The following PIEZO2 variants were observed in gnomAD, a reference collection of about 807,000 sequenced individuals.
The protein encoded by PIEZO2 is piezo-type mechanosensitive ion channel component 2.
A neutral mutation model predicts 337.3 loss-of-function variants in PIEZO2; 172 were observed. The ratio of observed to expected loss-of-function variants is 0.51; its 90% CI spans 0.45 to 0.58. PIEZO2 has a LOEUF of 0.58. PIEZO2 is among the 20% of genes least tolerant of loss of function. The probability of loss-of-function intolerance (pLI) is 0.00; values close to 1 mark genes in which losing one functional copy is unlikely to be tolerated. For synonymous variants in PIEZO2, 1,251 were observed against 1,228.5 expected (o/e 1.02, Z -0.38); for missense variants, 3,028 against 3,391.3 (o/e 0.89, Z 2.66).
In PIEZO2 at chr18:10,671,478, TA is replaced by T. The variant is rs753508360; in HGVS notation, c.*48del. The stretch of plus-strand genomic sequence containing the variant: ...AGCTCTTATGAGAATATTGTGCTTT[TA>T]AAAAAAATTCAAATGTTAACATTAT... On this transcript the variant is annotated 3_prime_UTR_variant, in exon 56 of 56. Transcript: ENST00000674853. 1.4e-5 allele frequency: 22 copies of T among 1,555,424 alleles called. No individual in the cohort carries two copies. Among genetic ancestry groups the T allele is most frequent in the East Asian group, 1.1e-4 (5 of 44,304 alleles).
In PIEZO2 at chr18:11,148,556, G is replaced by A; in HGVS notation, c.33C>T (p.Phe11=). ...CCAGGCAGATGGGCAGCAGCAGCCT[G>A]AAGATGAGCCCGCACACCACTTCTG... The part of the protein sequence containing the change: MASEVVCGLI[F]RLLLPICLAV... The change falls in exon 1 of 56, where the codon TTC becomes TTT. Residue 11 remains phenylalanine, a synonymous_variant. Transcript: ENST00000674853. This position sits in a 1 kb window ranked among gnomAD's most constrained non-coding sequence, Gnocchi z 5.2. 2.0e-6 allele frequency: 3 copies of A among 1,537,186 alleles called. No homozygotes were observed. Among genetic ancestry groups the A allele is most frequent in the South Asian group, 2.4e-5 (2 of 84,066 alleles).
chr18:10,895,101 C>G lies in PIEZO2; in HGVS notation c.329+16085G>C, dbSNP rs2042858624. On this transcript the variant is annotated intron_variant, in intron 4 of 55. Coordinates refer to ENST00000674853, the MANE Select transcript of PIEZO2 (RefSeq NM_001378183.1). This position sits in a 1 kb window ranked among gnomAD's most constrained non-coding sequence, Gnocchi z 4.8. ...CCAGAGGCAACATGTGTCCTCCAGG[C>G]ACTTAGATGCCACTGGCTTCTAGCT... Among the ~76,000 whole-genome samples, 1 of 152,204 alleles carries G rather than the reference C, an allele frequency of 6.6e-6. No individual in the cohort carries two copies. Among genetic ancestry groups the G allele is most frequent in the South Asian group, 2.1e-4 (1 of 4,832 alleles).
chr18:10,771,926 T>C (rs538310520), intron 20 of PIEZO2, among the ~76,000 whole-genome samples: 3 of 152,334 alleles, frequency 2.0e-5, no homozygotes, highest in South Asian at 4.1e-4. Flanking sequence ...CAGTGCTGTG[T>C]TCAAGTCACT....
At position 10,895,124 on chromosome 18, in the gene PIEZO2, G is replaced by C. The variant is rs547528236; in HGVS notation, c.329+16062C>G. Among the ~76,000 whole-genome samples the C allele has an allele frequency of 2.0e-5, 3 of 152,248 alleles. No individual in the cohort carries two copies. The highest frequency in any genetic ancestry group is 1.3e-4 in the Admixed American group (2 of 15,288). ...GGCACTTAGATGCCACTGGCTTCTA[G>C]CTCCCACCAGGTTATTTGGTAGAAA... On this transcript the variant is annotated intron_variant, in intron 4 of 55. Coordinates refer to ENST00000674853, the MANE Select transcript of PIEZO2 (RefSeq NM_001378183.1). This position sits in a 1 kb window ranked among gnomAD's most constrained non-coding sequence, Gnocchi z 4.8.
chr18:10,802,591 G>A (rs1053581386), intron 9 of PIEZO2, among the ~76,000 whole-genome samples: 5 of 152,086 alleles, frequency 3.3e-5, no homozygotes, highest in Admixed American at 6.5e-5. Flanking sequence ...ATCTGCTTCC[G>A]TATTCAATCT....
chr18:11,137,544 G>T (rs921920385), intron 1 of PIEZO2, among the ~76,000 whole-genome samples: 1 of 152,220 alleles, frequency 6.6e-6, no homozygotes, highest in Non-Finnish European at 1.5e-5. Flanking sequence ...ACAGGATCCA[G>T]ATTTGTTCGT....
intron 2 of PIEZO2, among the ~76,000 whole-genome samples, 199 bp downstream of exon 2, chr18:11,065,928 T>A (rs1348371377): frequency 6.6e-6 from 1 of 152,208 alleles, no homozygotes; most frequent in Non-Finnish European, 1.5e-5. Flanking sequence ...ACTGTGTAAG[T>A]GACAAACATG....
At chr18:10,907,872 T>A (rs1052771363) in intron 4 of PIEZO2, among the ~76,000 whole-genome samples, 1 of 152,208 alleles carries the variant, frequency 6.6e-6, no homozygotes, top group African/African-American at 2.4e-5. Flanking sequence ...ATAAAAAAAA[T>A]TGAGTCTGCT....
chr18:11,042,366 T>C (rs907391775), intron 2 of PIEZO2, among the ~76,000 whole-genome samples: 24 of 152,218 alleles, frequency 1.6e-4, no homozygotes, highest in African/African-American at 5.8e-4. Flanking sequence ...AGGCTGGGGA[T>C]GGCCATGTGC....
chr18:10,705,555 T>C lies in PIEZO2; in HGVS notation c.5780A>G (p.Glu1927Gly), dbSNP rs1203824284. Reference sequence around the variant, plus strand: ...GTCCAAGGTGGAGAACTGTGTCAGCTCTTCCTCTGGGGTGAGGCTGGCCTC... The same window carrying C: ...GTCCAAGGTGGAGAACTGTGTCAGCCCTTCCTCTGGGGTGAGGCTGGCCTC... ...AEEASLTPEE[E>G]LTQFSTLDGD... is the part of the protein sequence containing the mutation. Residue 1927 changes from glutamate (E) to glycine (G), a missense_variant, in exon 41 of 56, where the codon GAG (glutamate) becomes GGG (glycine). This residue lies in a region of PIEZO2 where 1,925 missense variants were observed against 2,051.9 expected (regional missense o/e 0.94). Coordinates refer to ENST00000674853, the MANE Select transcript of PIEZO2 (RefSeq NM_001378183.1). The C allele has an allele frequency of 6.5e-7, 1 of 1,537,244 alleles. No homozygotes were observed. The highest frequency in any genetic ancestry group is 1.2e-5 in the South Asian group (1 of 84,054).
At chr18:11,121,855 C>G (rs954728750) in intron 1 of PIEZO2, among the ~76,000 whole-genome samples, 1 of 151,944 alleles carries the variant, frequency 6.6e-6, no homozygotes, top group Non-Finnish European at 1.5e-5. Flanking sequence ...ATAAGTTCTC[C>G]TTGTTCTCTG....
intron 3 of PIEZO2, among the ~76,000 whole-genome samples, chr18:10,972,553 T>C (rs1312375429): frequency 1.7e-4 from 26 of 152,186 alleles, no homozygotes; most frequent in Admixed American, 1.7e-3. Flanking sequence ...CACACATCAC[T>C]GATGCTGCCT....
rs550493900 is a variant in PIEZO2 at position 10,831,843 on chromosome 18, T to C, written c.917+23510A>G. On this transcript the variant is annotated intron_variant, in intron 7 of 55. Transcript: ENST00000674853. ...TTTAAATGACATTCCACATCCCATC[T>C]CTAGGTATTCTGTGTTCCTAAGTCT... Among the ~76,000 whole-genome samples, 5 of 152,310 alleles carry C rather than the reference T, an allele frequency of 3.3e-5. No individual in the cohort carries two copies. In the East Asian group the frequency reaches 9.6e-4, roughly 29 times the overall value.
rs1347425255 is a variant in PIEZO2 at position 10,766,260 on chromosome 18, AGAG to A, written c.2947-3165_2947-3163del. 7.6e-6 allele frequency among the ~76,000 whole-genome samples: 1 copy of A among 130,926 alleles called. No homozygotes were observed. Among genetic ancestry groups the A allele is most frequent in the African/African-American group, 2.9e-5 (1 of 34,716 alleles). 85.9% of individuals were successfully genotyped at this position (130,926 alleles called of 152,430 possible). A position where few individuals can be genotyped will look rare whatever the true frequency, so the allele number is the denominator to read the frequency against. On this transcript the variant is annotated intron_variant, in intron 21 of 55. Transcript: ENST00000674853. This position sits in a 1 kb window ranked among gnomAD's most constrained non-coding sequence, Gnocchi z 6.1. ...GGAGGAGGAGGGATAAGGAAGAAGA[AGAG>A]GAAGGAGAAAAGGGGAGAGAGAAGG...
At chr18:10,958,423 G>C (rs1490869180) in intron 3 of PIEZO2, among the ~76,000 whole-genome samples, 2 of 152,096 alleles carry the variant, frequency 1.3e-5, no homozygotes, top group Non-Finnish European at 2.9e-5. Flanking sequence ...TGTTCAAAGG[G>C]TAGAAAGTTT....
At chr18:11,059,532 C>T (rs1033807409) in intron 2 of PIEZO2, among the ~76,000 whole-genome samples, 1 of 152,102 alleles carries the variant, frequency 6.6e-6, no homozygotes, top group Non-Finnish European at 1.5e-5. Flanking sequence ...CAGAGACACA[C>T]ATAGGCTCAA....
At chr18:10,805,404 T>C (rs1277885902) in intron 8 of PIEZO2, among the ~76,000 whole-genome samples, 2 of 152,082 alleles carry the variant, frequency 1.3e-5, no homozygotes, top group Admixed American at 1.3e-4. Flanking sequence ...TAATCCCAGC[T>C]ACTCAGGAGG....
intron 3 of PIEZO2, among the ~76,000 whole-genome samples, chr18:10,926,213 G>A (rs556158556): frequency 9.2e-5 from 14 of 152,288 alleles, no homozygotes; most frequent in Non-Finnish European, 1.5e-4. Flanking sequence ...GACCACTGCC[G>A]GGGGAGACCG....
At chr18:10,800,929 T>A (rs1372039214) in intron 10 of PIEZO2, among the ~76,000 whole-genome samples, 1 of 152,274 alleles carries the variant, frequency 6.6e-6, no homozygotes, top group Non-Finnish European at 1.5e-5. Flanking sequence ...TGCACAGGAC[T>A]AATGCAAACA....
Sources: gnomAD v4.1 joint callset for allele counts (sites outside exome capture counted in the v4.1 genomes callset) on GRCh38, gnomAD v4.1.1 for gene constraint, gnomAD v4.1.1 regional missense constraint, Gnocchi (gnomAD v3.1) non-coding constraint, MANE v1.5 for transcripts, NCBI Gene and HGNC (gene_info 2026-07-23, HGNC 2026-07-21) for gene names.